Variants in MAP3K1 observed in about 807,000 individuals in gnomAD.
MAP3K1 encodes mitogen-activated protein kinase kinase kinase 1.
MAP3K1 carries 36 observed loss-of-function variants against 144.2 expected under a neutral mutation model. The ratio of observed to expected loss-of-function variants is 0.25; its 90% CI spans 0.19 to 0.33. The LOEUF is 0.33. Ranked by LOEUF, MAP3K1 falls within the 10% of genes least tolerant of loss-of-function variation. The pLI is 1.00. For synonymous variants in MAP3K1, 718 were observed against 688.7 expected (o/e 1.04, Z -0.67); for missense variants, 1,650 against 1,881.9 (o/e 0.88, Z 2.28).
rs1425141555 is a variant in MAP3K1, at chr5:56,887,462, C to T, written c.4199C>T (p.Thr1400Ile). 1 of 1,614,108 alleles carries T rather than the reference C, an allele frequency of 6.2e-7. No homozygotes were observed. Among genetic ancestry groups the T allele is most frequent in the Admixed American group, 1.7e-5 (1 of 60,022 alleles). Residue 1400 changes from threonine to isoleucine, a missense_variant, in exon 18 of 20, where the codon ACT becomes ATT. Thr to Ile is a moderately conservative substitution (Grantham distance 89). This residue lies in a region of MAP3K1 where 165 missense variants were observed against 322.9 expected (regional missense o/e 0.51). Coordinates refer to ENST00000399503, the MANE Select transcript of MAP3K1 (RefSeq NM_005921.2). Reference protein sequence around the residue: ...GAAARLASKGTGAGEFQGQLL... With the variant: ...GAAARLASKGIGAGEFQGQLL... Reference sequence around the variant, plus strand: ...GCAGCCAGGTTGGCATCAAAAGGAACTGGTGCAGGAGAGTTTCAGGGACAA... The same window carrying T: ...GCAGCCAGGTTGGCATCAAAAGGAATTGGTGCAGGAGAGTTTCAGGGACAA...
At chr5:56,817,237 G>A (rs1433901191) in intron 1 of MAP3K1, 1 of 342,826 alleles carries the variant, frequency 2.9e-6, no homozygotes, top group Non-Finnish European at 4.1e-6. Flanking sequence ...TTAAAAACCT[G>A]ATTAACGTAT....
intron 1 of MAP3K1, among the ~76,000 whole-genome samples, chr5:56,837,171 C>T (rs1295397171): frequency 2.0e-5 from 3 of 151,718 alleles, no homozygotes; most frequent in Admixed American, 1.3e-4. Context: ...GGGTTGCTTC[C>T]CTAATAGGAT....
At chr5:56,819,451 A>G (rs960383303) in intron 1 of MAP3K1, among the ~76,000 whole-genome samples, 7 of 151,880 alleles carry the variant, frequency 4.6e-5, no homozygotes, top group Admixed American at 2.0e-4. Flanking sequence ...AAAAAAAACC[A>G]GCTACAGCTT....
Position 56,882,421 on chromosome 5 carries a change from G to A in MAP3K1, c.3221G>A (p.Gly1074Glu), listed in dbSNP as rs368793989. 2 of 1,613,954 alleles carry A rather than the reference G, an allele frequency of 1.2e-6. No homozygotes were observed. The highest frequency in any genetic ancestry group is 2.7e-5 in the African/African-American group (2 of 74,920). ...RPTPGNTSKQ[G>E]DPSKNSMTLD... ...ACCCCAGGTAATACAAGTAAACAGG[G>A]AGATCCCTCAAAAAATAGCATGACA... Residue 1074 changes from glycine to glutamate, a missense_variant, in exon 14 of 20, where the codon GGA becomes GAA. By Grantham distance (98) the Gly-to-Glu change is moderately conservative. Transcript: ENST00000399503.
chr5:56,888,586 A>T (rs1398215330), intron 19 of MAP3K1, among the ~76,000 whole-genome samples: 2 of 152,232 alleles, frequency 1.3e-5, no homozygotes, highest in Non-Finnish European at 2.9e-5. Flanking sequence ...TGTCTGAGCT[A>T]GCAATATGTG....
At chr5:56,833,645 G>A (rs1336585400) in intron 1 of MAP3K1, among the ~76,000 whole-genome samples, 1 of 152,188 alleles carries the variant, frequency 6.6e-6, no homozygotes, top group African/African-American at 2.4e-5. Context: ...TTACAAATGA[G>A]CCTTGGCGGG....
At chr5:56,866,435 CTG>C (rs1747675516) in intron 6 of MAP3K1, among the ~76,000 whole-genome samples, 2 of 151,462 alleles carry the variant, frequency 1.3e-5, no homozygotes, top group African/African-American at 4.9e-5. Context: ...GTATGTATGT[CTG>C]TATGTATGTA....
intron 1 of MAP3K1, among the ~76,000 whole-genome samples, chr5:56,818,023 G>T (rs832552): frequency 0.47 from 71,036 of 152,070 alleles, 20,045 homozygotes; most frequent in Non-Finnish European, 0.65. Flanking sequence ...AAAATAATGG[G>T]CTTGTAAGGA....
chr5:56,829,098 A>G (rs1415909244), intron 1 of MAP3K1, among the ~76,000 whole-genome samples: 5 of 152,212 alleles, frequency 3.3e-5, no homozygotes, highest in Admixed American at 3.3e-4. Flanking sequence ...AAGACTGTTT[A>G]ACTGATTTAA....
chr5:56,826,318 CTG>C (rs1331946429), intron 1 of MAP3K1, among the ~76,000 whole-genome samples: 1 of 152,190 alleles, frequency 6.6e-6, no homozygotes, highest in East Asian at 1.9e-4. Flanking sequence ...TCCTCGATAT[CTG>C]AGTTAGATTT....
At chr5:56,826,682 G>A (rs1746325467) in intron 1 of MAP3K1, among the ~76,000 whole-genome samples, 1 of 152,258 alleles carries the variant, frequency 6.6e-6, no homozygotes, top group Non-Finnish European at 1.5e-5. Context: ...TTGTAGGTGA[G>A]CAAGCACGTT....
intron 17 of MAP3K1, among the ~76,000 whole-genome samples, chr5:56,886,523 C>T (rs1011514327): frequency 4.6e-5 from 7 of 152,114 alleles, no homozygotes; most frequent in South Asian, 2.1e-4. Flanking sequence ...CTGCCTTCCT[C>T]GTTTAATAGA....
chr5:56,842,919 C>G (rs949621285), intron 1 of MAP3K1, among the ~76,000 whole-genome samples: 1 of 152,120 alleles, frequency 6.6e-6, no homozygotes, highest in African/African-American at 2.4e-5. Context: ...CAGGCAGTCT[C>G]GCTCCAGAAC....
At chr5:56,857,028 G>GAAAAC (rs1747363765) in intron 2 of MAP3K1, among the ~76,000 whole-genome samples, 2 of 152,098 alleles carry the variant, frequency 1.3e-5, no homozygotes, top group Admixed American at 1.3e-4. Context: ...TTTCATTGGA[G>GAAAAC]TTTTATACTG....
At chr5:56,842,666 G>A (rs1007909005) in intron 1 of MAP3K1, among the ~76,000 whole-genome samples, 2 of 152,268 alleles carry the variant, frequency 1.3e-5, no homozygotes, top group East Asian at 1.9e-4. Flanking sequence ...AAGGTGTGGC[G>A]GGTAGTAGGT....
chr5:56,836,081 G>A (rs1352559013), intron 1 of MAP3K1, among the ~76,000 whole-genome samples: 6 of 152,280 alleles, frequency 3.9e-5, no homozygotes, highest in East Asian at 1.9e-4. Flanking sequence ...TAACAAAAAC[G>A]TGTTTGTAAG....
Position 56,896,126 on chromosome 5 carries a change from T to C in MAP3K1, c.*2446T>C. 4.5e-6 allele frequency: 1 copy of C among 224,358 alleles called. No homozygotes were observed. Among genetic ancestry groups the C allele is most frequent in the Non-Finnish European group, 8.9e-6 (1 of 112,656 alleles). 13.9% of individuals were successfully genotyped at this position (224,358 alleles called of 1,614,324 possible). A position where few individuals can be genotyped will look rare whatever the true frequency, so the allele number is the denominator to read the frequency against. On this transcript the variant is annotated 3_prime_UTR_variant, in exon 20 of 20. Transcript: ENST00000399503. ...GTACCTATTTTGGTGTTTTTGTCTT[T>C]ATAGTAAATAAAAGTTTTTGAACAA...
chr5:56,844,050 A>C (rs1746899903), intron 1 of MAP3K1, among the ~76,000 whole-genome samples: 1 of 152,164 alleles, frequency 6.6e-6, no homozygotes, highest in African/African-American at 2.4e-5. Flanking sequence ...CTTGGAGATT[A>C]ATGACACATG....
At chr5:56,856,995 T>A (rs561083682) in intron 2 of MAP3K1, among the ~76,000 whole-genome samples, 1 of 152,330 alleles carries the variant, frequency 6.6e-6, no homozygotes, top group South Asian at 2.1e-4. Flanking sequence ...AAGACTGCCC[T>A]CTCATGTCAG....
Sources: gnomAD v4.1 joint callset for allele counts (sites outside exome capture counted in the v4.1 genomes callset) on GRCh38, gnomAD v4.1.1 for gene constraint, gnomAD v4.1.1 regional missense constraint, MANE v1.5 for transcripts, NCBI Gene and HGNC (gene_info 2026-07-23, HGNC 2026-07-21) for gene names.